EPHA8: variants seen among roughly 807,000 people sequenced by gnomAD.
The protein encoded by EPHA8 is ephrin type-A receptor 8.
Under a neutral mutation model 103.6 loss-of-function variants are expected in EPHA8, and 58 were observed. That is an observed-to-expected ratio of 0.56 (90% CI 0.45 to 0.70). The LOEUF is 0.70. EPHA8 is among the 30% of genes least tolerant of loss of function. The pLI is 0.00. For missense variants in EPHA8, 1,304 were observed against 1,395.2 expected, an observed-to-expected ratio of 0.93 and a Z score of 1.04; for synonymous variants, 559 against 572.5, an observed-to-expected ratio of 0.98 and a Z score of 0.34.
At chr1:22,570,778 G>A (rs926354012) in intron 2 of EPHA8, among the ~76,000 whole-genome samples, 2 of 152,256 alleles carry the variant, frequency 1.3e-5, no homozygotes, top group Non-Finnish European at 2.9e-5. Context: ...CTCGTCACCT[G>A]ACCCAGCACC....
chr1:22,579,539 A>G (rs1640982585), intron 3 of EPHA8, among the ~76,000 whole-genome samples: 1 of 152,200 alleles, frequency 6.6e-6, no homozygotes, highest in Admixed American at 6.5e-5. Context: ...CTGTGCAGCC[A>G]GGCACCCCAA....
Position 22,601,418 on chromosome 1 carries a change from C to A in EPHA8, c.2848C>A (p.His950Asn), listed in dbSNP as rs1253321212. 6 of 1,611,182 alleles carry A rather than the reference C, an allele frequency of 3.7e-6. No homozygotes were observed. The African/African-American group carries it at 5.3e-5, about 14-fold the overall frequency. Residue 950 changes from histidine (H) to asparagine (N), a missense_variant, in exon 16 of 17, where the codon CAC (histidine) becomes AAC (asparagine). Coordinates refer to ENST00000166244, the MANE Select transcript of EPHA8 (RefSeq NM_020526.5). The stretch of plus-strand genomic sequence containing the variant: ...CATCCGCATGGGCCGGTACCGAGAC[C>A]ACTTCGCTGCGGGCGGATACTCCTC... The part of the protein sequence containing the change: ...DSIRMGRYRD[H>N]FAAGGYSSLG...
intron 2 of EPHA8, among the ~76,000 whole-genome samples, chr1:22,570,748 C>T (rs1288223931): frequency 6.6e-6 from 1 of 152,236 alleles, no homozygotes; most frequent in Non-Finnish European, 1.5e-5. Flanking sequence ...CTCTCCAGGT[C>T]CCTGAGCCTG....
intron 13 of EPHA8, 109 bp from the exon 14 acceptor site, chr1:22,600,552 C>T (rs1413768279): frequency 1.4e-6 from 2 of 1,441,826 alleles, no homozygotes; most frequent in Non-Finnish European, 1.9e-6. Context: ...CTGTGTTGTC[C>T]CTCTGGACTG....
Position 22,597,424 on chromosome 1 carries a change from C to T in EPHA8, c.1878C>T (p.Phe626=), listed in dbSNP as rs866178136. 1 of 1,613,580 alleles carries T rather than the reference C, an allele frequency of 6.2e-7. No homozygotes were observed. The highest frequency in any genetic ancestry group is 1.7e-5 in the Admixed American group (1 of 60,024). ...AGCCAGGCCGGGCGGGCCGCAGTTT[C>T]ACTCGGGAGATCGAGGCCTCTAGGA... ...YEEPGRAGRS[F]TREIEASRIH... The change falls in exon 10 of 17, where the codon TTC becomes TTT. Residue 626 remains phenylalanine, a synonymous_variant. Transcript: ENST00000166244. This position sits in a 1 kb window ranked among gnomAD's most constrained non-coding sequence, Gnocchi z 4.6.
intron 16 of EPHA8, 32 bp downstream of exon 16, chr1:22,601,505 G>T: frequency 6.2e-7 from 1 of 1,606,266 alleles, no homozygotes; most frequent in Non-Finnish European, 8.5e-7. Flanking sequence ...GGCCCCATGC[G>T]TGTGGGGGCA....
chr1:22,588,854 T>C lies in EPHA8; in HGVS notation c.980-17T>C. Reference sequence around the variant, plus strand: ...AAATAAATAACCACTGCCCCATCTGTCATCCTCTGCCCTCAGGGCCACCCT... The same window carrying C: ...AAATAAATAACCACTGCCCCATCTGCCATCCTCTGCCCTCAGGGCCACCCT... On this transcript the variant is annotated splice_polypyrimidine_tract_variant and intron_variant, in intron 4 of 16. Coordinates refer to ENST00000166244, the MANE Select transcript of EPHA8 (RefSeq NM_020526.5). The C allele has an allele frequency of 6.4e-7, 1 of 1,562,512 alleles. No homozygotes were observed. The highest frequency in any genetic ancestry group is 8.6e-7 in the Non-Finnish European group (1 of 1,156,234).
At chr1:22,565,542 C>T (rs761549943) in intron 1 of EPHA8, among the ~76,000 whole-genome samples, 11 of 152,170 alleles carry the variant, frequency 7.2e-5, no homozygotes, top group Non-Finnish European at 1.3e-4. Flanking sequence ...CTCTGAGGCC[C>T]CTCCATCGAG....
At position 22,577,826 on chromosome 1, in the gene EPHA8, G is replaced by A. The variant is rs536502104; in HGVS notation, c.823+946G>A. 6.2e-4 allele frequency among the ~76,000 whole-genome samples: 91 copies of A among 145,716 alleles called. 1 individual carries two copies. Among genetic ancestry groups the A allele is most frequent in the Non-Finnish European group, 1.5e-5 (1 of 67,024 alleles). On this transcript the variant is annotated intron_variant, in intron 3 of 16. Coordinates refer to ENST00000166244, the MANE Select transcript of EPHA8 (RefSeq NM_020526.5). ...AGTGTATGTGTGCATGTGTGTGCATGTGTGCGTGTGTGCATGTATGTGTGC... is the reference window on the plus strand; with the variant it reads ...AGTGTATGTGTGCATGTGTGTGCATATGTGCGTGTGTGCATGTATGTGTGC...
In EPHA8 at chr1:22,578,876, C is replaced by CATGCAT. The variant is rs1553146062; in HGVS notation, c.823+1996_823+1997insATGCAT. 9.0e-3 allele frequency among the ~76,000 whole-genome samples: 1,074 copies of CATGCAT among 119,868 alleles called. 10 individuals are homozygous for CATGCAT. Among genetic ancestry groups the CATGCAT allele is most frequent in the African/African-American group, 0.041 (985 of 24,284 alleles). 78.6% of individuals were successfully genotyped at this position (119,868 alleles called of 152,430 possible). A position where few individuals can be genotyped will look rare whatever the true frequency, so the allele number is the denominator to read the frequency against. ...ATGCATGTGTGTATATGCACGTGTC[C>CATGCAT]GTGTGTCCGTGTGTGCATGTGTGCA... is the stretch of plus-strand genomic sequence containing the variant. On this transcript the variant is annotated intron_variant, in intron 3 of 16. Coordinates refer to ENST00000166244, the MANE Select transcript of EPHA8 (RefSeq NM_020526.5).
chr1:22,599,559 G>A (rs1641618756), intron 13 of EPHA8, among the ~76,000 whole-genome samples: 1 of 148,610 alleles, frequency 6.7e-6, no homozygotes, highest in African/African-American at 2.5e-5. Context: ...AGGATCCTGT[G>A]ACAACAAAAG....
chr1:22,581,051 C>T (rs1641032561), intron 3 of EPHA8, among the ~76,000 whole-genome samples: 2 of 152,346 alleles, frequency 1.3e-5, no homozygotes, highest in East Asian at 1.9e-4. Flanking sequence ...CAGGGAGTCC[C>T]TGCCTCTGGG....
rs1570025291 is a variant in EPHA8, at chr1:22,596,052, G to A, written c.1698-54G>A. The A allele has an allele frequency of 3.2e-6, 5 of 1,567,734 alleles. No homozygotes were observed. The East Asian group carries it at 1.1e-4, about 35-fold the overall frequency. Reference sequence around the variant, plus strand: ...ATGACTCGTTCCCTGGTTGGGGTCAGGTCCCGGGCTAGGGGTGGCCTGGCC... The same window carrying A: ...ATGACTCGTTCCCTGGTTGGGGTCAAGTCCCGGGCTAGGGGTGGCCTGGCC... On this transcript the variant is annotated intron_variant, in intron 8 of 16. Coordinates refer to ENST00000166244, the MANE Select transcript of EPHA8 (RefSeq NM_020526.5).
At chr1:22,575,039 C>A (rs914420127) in intron 2 of EPHA8, among the ~76,000 whole-genome samples, 5 of 152,194 alleles carry the variant, frequency 3.3e-5, no homozygotes, top group African/African-American at 1.2e-4. Context: ...CAATCCCTGC[C>A]TCCCAAGTTC....
At chr1:22,591,864 G>T (rs543384475) in intron 5 of EPHA8, among the ~76,000 whole-genome samples, 32 of 152,276 alleles carry the variant, frequency 2.1e-4, no homozygotes, top group African/African-American at 7.0e-4. Context: ...AAACGTGCCA[G>T]TGCCCTTCCG....
chr1:22,601,020 G>A lies in EPHA8; in HGVS notation c.2661G>A (p.Gln887=), dbSNP rs1287044798. Residue 887 remains glutamine, a synonymous_variant, in exon 15 of 17, where the codon CAG becomes CAA. Coordinates refer to ENST00000166244, the MANE Select transcript of EPHA8 (RefSeq NM_020526.5). ...KDRAQRPRFS[Q]IVSVLDALIR... ...GGGCGCAGCGGCCTCGCTTCTCCCA[G>A]ATTGTCAGTGTCCTCGATGCGCTCA... The A allele has an allele frequency of 3.1e-6, 5 of 1,612,906 alleles. No homozygotes were observed. The highest frequency in any genetic ancestry group is 4.2e-6 in the Non-Finnish European group (5 of 1,179,900).
At chr1:22,592,690 G>A (rs1641404472) in intron 5 of EPHA8, among the ~76,000 whole-genome samples, 1 of 152,162 alleles carries the variant, frequency 6.6e-6, no homozygotes, top group Non-Finnish European at 1.5e-5. Flanking sequence ...GGAGGCCTGA[G>A]GGCTGGAGGG....
At position 22,588,865 on chromosome 1, in the gene EPHA8, C is replaced by T. The variant is rs530179379; in HGVS notation, c.980-6C>T. 6 of 1,574,762 alleles carry T rather than the reference C, an allele frequency of 3.8e-6. No individual in the cohort carries two copies. The highest frequency in any genetic ancestry group is 1.3e-5 in the African/African-American group (1 of 74,722). ...CACTGCCCCATCTGTCATCCTCTGC[C>T]CTCAGGGCCACCCTCGGCACCAGTG... is the stretch of plus-strand genomic sequence containing the variant. On this transcript the variant is annotated splice_polypyrimidine_tract_variant and splice_region_variant and intron_variant, in intron 4 of 16. Coordinates refer to ENST00000166244, the MANE Select transcript of EPHA8 (RefSeq NM_020526.5).
At chr1:22,572,619 A>G (rs528771010) in intron 2 of EPHA8, among the ~76,000 whole-genome samples, 5 of 152,316 alleles carry the variant, frequency 3.3e-5, no homozygotes, top group African/African-American at 1.2e-4. Flanking sequence ...CTGGATTCTC[A>G]CCACGCCCTG....
Sources: allele counts gnomAD v4.1 joint callset (sites outside exome capture counted in the v4.1 genomes callset), GRCh38; gene constraint gnomAD v4.1.1; non-coding constraint Gnocchi (gnomAD v3.1); transcripts MANE v1.5; gene names NCBI Gene and HGNC (gene_info 2026-07-23, HGNC 2026-07-21).